The following IQANK1 variants were observed in gnomAD, a reference collection of about 807,000 sequenced individuals.
IQANK1 encodes the protein IQ motif and ankyrin repeat domain-containing protein 1.
In IQANK1, 30 loss-of-function variants were observed where a neutral mutation model predicts 22.6. The observed-to-expected ratio is 1.33, with a 90% CI of 0.99 to 1.80. The LOEUF (loss-of-function observed/expected upper bound fraction) is 1.80. IQANK1 is among the 40% of genes most tolerant of loss of function. The probability of loss-of-function intolerance (pLI) is 0.00; values close to 1 mark genes in which losing one functional copy is unlikely to be tolerated. For missense variants in IQANK1, 275 were observed against 235.2 expected (o/e 1.17, Z -1.11); for synonymous variants, 122 against 99.6 (o/e 1.23, Z -1.34).
chr8:143,742,668 G>A (rs1554626729), intron 3 of IQANK1: 1 of 455,936 alleles, frequency 2.2e-6, no homozygotes, highest in Admixed American at 2.3e-5. Flanking sequence ...GTGTGGCTGA[G>A]CCCCAGAGCC....
At chr8:143,778,828 G>A (rs1202331992) in intron 7 of IQANK1, among the ~76,000 whole-genome samples, 1 of 152,130 alleles carries the variant, frequency 6.6e-6, no homozygotes, top group Non-Finnish European at 1.5e-5. Flanking sequence ...GGGCAGTGGC[G>A]CAATCTCACT....
At chr8:143,759,690 G>C (rs1311414568) in intron 3 of IQANK1, 2 of 152,220 alleles carry the variant, frequency 1.3e-5, no homozygotes, top group Non-Finnish European at 2.9e-5. Context: ...GCCTCGCCCA[G>C]CTAGGGAGTC....
chr8:143,766,261 T>A (rs913106830), intron 3 of IQANK1, among the ~76,000 whole-genome samples: 1 of 152,236 alleles, frequency 6.6e-6, no homozygotes, highest in East Asian at 1.9e-4. Flanking sequence ...CTTACGGCTT[T>A]GTAGTATTTC....
chr8:143,776,047 C>A (rs561949245), intron 7 of IQANK1, among the ~76,000 whole-genome samples: 1 of 146,850 alleles, frequency 6.8e-6, no homozygotes, highest in Non-Finnish European at 1.5e-5. Context: ...AGCGGCCGGG[C>A]GCGGCGGCTC....
chr8:143,780,952 G>T (rs1279381035), intron 7 of IQANK1, among the ~76,000 whole-genome samples: 1 of 152,142 alleles, frequency 6.6e-6, no homozygotes, highest in Non-Finnish European at 1.5e-5. Flanking sequence ...AACAGTGTGT[G>T]TGTGTTCCCT....
chr8:143,779,006 G>A (rs1819742506), intron 7 of IQANK1, among the ~76,000 whole-genome samples: 1 of 152,070 alleles, frequency 6.6e-6, no homozygotes. Flanking sequence ...ACCTCAGGTG[G>A]GCTGCCTGCC....
At chr8:143,779,655 A>G (rs1554630779) in intron 7 of IQANK1, among the ~76,000 whole-genome samples, 4 of 152,076 alleles carry the variant, frequency 2.6e-5, no homozygotes, top group Admixed American at 2.6e-4. Flanking sequence ...GTCTTCATTC[A>G]TTTTCCGTCT....
Position 143,759,267 on chromosome 8 carries a change from T to C in IQANK1, c.176-12221T>C, listed in dbSNP as rs571257370. The C allele has an allele frequency of 5.8e-4, 102 of 174,416 alleles. 1 individual carries two copies. The highest frequency in any genetic ancestry group is 6.3e-4 in the Non-Finnish European group (51 of 80,416). 10.8% of individuals were successfully genotyped at this position (174,416 alleles called of 1,614,324 possible). ...CAGCAAATCCCTCCTCTCGCAAACA[T>C]AGCCTGGTTCATCCACGATGAGGAG... On this transcript the variant is annotated intron_variant, in intron 3 of 13. Transcript: ENST00000527139.
At chr8:143,773,293 T>G (rs1452245510) in intron 7 of IQANK1, among the ~76,000 whole-genome samples, 5 of 124,268 alleles carry the variant, frequency 4.0e-5, no homozygotes, top group African/African-American at 1.1e-4. Context: ...GGCAACAGAG[T>G]GAGACTCAAA....
intron 7 of IQANK1, among the ~76,000 whole-genome samples, chr8:143,775,011 G>T (rs1819656562): frequency 6.6e-6 from 1 of 151,570 alleles, no homozygotes; most frequent in Admixed American, 6.6e-5. Context: ...GGGCCGACTG[G>T]GCAGGAGTAG....
intron 3 of IQANK1, chr8:143,741,843 T>G (rs1196206540): frequency 1.3e-5 from 2 of 157,924 alleles, no homozygotes; most frequent in African/African-American, 2.4e-5. Context: ...TTCCCCAGCC[T>G]CCTCTTATTG....
At chr8:143,736,423 G>A (rs1336053467) in intron 2 of IQANK1, among the ~76,000 whole-genome samples, 2 of 152,178 alleles carry the variant, frequency 1.3e-5, no homozygotes, top group Non-Finnish European at 2.9e-5. Context: ...GGGATTACAG[G>A]CTTGAGCCAC....
intron 3 of IQANK1, chr8:143,759,094 T>C (rs1320949547): frequency 1.5e-5 from 5 of 323,970 alleles, no homozygotes; most frequent in Admixed American, 3.5e-5. Flanking sequence ...GACTCAATAC[T>C]GATCTTCGAC....
intron 7 of IQANK1, among the ~76,000 whole-genome samples, chr8:143,775,365 C>G (rs1554630264): frequency 6.6e-6 from 1 of 151,788 alleles, no homozygotes; most frequent in Admixed American, 6.6e-5. Context: ...GACACACACA[C>G]ACACACACAC....
At chr8:143,777,376 C>T (rs1819707619) in intron 7 of IQANK1, among the ~76,000 whole-genome samples, 1 of 151,600 alleles carries the variant, frequency 6.6e-6, no homozygotes, top group African/African-American at 2.4e-5. Flanking sequence ...ATTTGCTGGG[C>T]ATGGTGGCAG....
At chr8:143,742,751 G>A (rs1374845936) in intron 3 of IQANK1, 17 of 455,454 alleles carry the variant, frequency 3.7e-5, no homozygotes, top group Non-Finnish European at 7.5e-5. Context: ...CTGCACACGG[G>A]ATCCTCCAAC....
intron 7 of IQANK1, among the ~76,000 whole-genome samples, chr8:143,779,928 T>C (rs1462984357): frequency 6.6e-6 from 1 of 152,216 alleles, no homozygotes; most frequent in African/African-American, 2.4e-5. Context: ...CCATCCTATT[T>C]ATCTAGTTAT....
Position 143,789,970 on chromosome 8 carries a change from GGGGA to G in IQANK1, c.1198_1201del (p.Glu400LysfsTer6). ...TCAGCTGCACTCTGCTACCCCGACAGGGGAGGAAGAGGCGCCTGGGCTGAAGTGC... is the reference window on the plus strand; with the variant it reads ...TCAGCTGCACTCTGCTACCCCGACAGGGAAGAGGCGCCTGGGCTGAAGTGC... On this transcript the variant is annotated frameshift_variant and splice_region_variant, in exon 12 of 14. Transcript: ENST00000527139. LOFTEE classifies it high-confidence loss of function. 2.4e-6 allele frequency: 3 copies of G among 1,231,922 alleles called. No individual in the cohort carries two copies. The highest frequency in any genetic ancestry group is 3.0e-6 in the Non-Finnish European group (3 of 987,930). The allele number at this position is 1,231,922 out of a possible 1,614,324, so 76.3% of individuals were successfully genotyped here.
rs1554630112 is a variant in IQANK1 at position 143,774,306 on chromosome 8, C to T, written c.789+1824C>T. 6.6e-6 allele frequency among the ~76,000 whole-genome samples: 1 copy of T among 152,148 alleles called. No individual in the cohort carries two copies. The highest frequency in any genetic ancestry group is 1.5e-5 in the Non-Finnish European group (1 of 68,030). ...AAACGTTTGTGAACCACGCATCTGG[C>T]AAGGCACGTGTACCTAGAACATAGA... On this transcript the variant is annotated intron_variant, in intron 7 of 13. Transcript: ENST00000527139. This position sits in a 1 kb window ranked among gnomAD's most constrained non-coding sequence, Gnocchi z 4.2.
Sources: allele counts gnomAD v4.1 joint callset (sites outside exome capture counted in the v4.1 genomes callset), GRCh38; gene constraint gnomAD v4.1.1; non-coding constraint Gnocchi (gnomAD v3.1); transcripts MANE v1.5; gene names NCBI Gene and HGNC (gene_info 2026-07-23, HGNC 2026-07-21).